The following KPNA1 variants were observed in gnomAD, a reference collection of about 807,000 sequenced individuals.
The protein encoded by KPNA1 is importin subunit alpha-5.
Under a neutral mutation model 70.5 loss-of-function variants are expected in KPNA1, and 10 were observed. The observed-to-expected ratio is 0.14, with a 90% CI of 0.09 to 0.24. The LOEUF is 0.24. Ranked by LOEUF, KPNA1 falls within the 10% of genes least tolerant of loss-of-function variation. The probability of loss-of-function intolerance (pLI) is 1.00; values close to 1 mark genes in which losing one functional copy is unlikely to be tolerated. For synonymous variants in KPNA1, 192 were observed against 221.9 expected, an observed-to-expected ratio of 0.87 and a Z score of 1.20; for missense variants, 397 against 637.9, an observed-to-expected ratio of 0.62 and a Z score of 4.07.
intron 1 of KPNA1, among the ~76,000 whole-genome samples, chr3:122,513,411 T>C (rs973013926): frequency 2.6e-5 from 4 of 152,254 alleles, no homozygotes; most frequent in Non-Finnish European, 5.9e-5. Flanking sequence ...TCATTCTTAC[T>C]TTCCTTTGAA....
chr3:122,472,359 T>G (rs973314380), intron 2 of KPNA1, among the ~76,000 whole-genome samples: 16 of 151,940 alleles, frequency 1.1e-4, no homozygotes, highest in African/African-American at 3.9e-4. Flanking sequence ...AAAAGAGATC[T>G]CAAGAGAAAT....
intron 5 of KPNA1, 82 bp from the exon 6 acceptor site, chr3:122,454,083 GA>G: frequency 4.3e-6 from 4 of 936,662 alleles, no homozygotes; most frequent in South Asian, 2.0e-5. Context: ...TTCTGTACAT[GA>G]AAAAAAGATT....
chr3:122,501,896 A>G (rs2076833361), intron 1 of KPNA1, among the ~76,000 whole-genome samples: 1 of 152,162 alleles, frequency 6.6e-6, no homozygotes, highest in Non-Finnish European at 1.5e-5. Context: ...CATATATCCT[A>G]GGACCATTTC....
chr3:122,496,375 T>C, intron 2 of KPNA1, 62 bp downstream of exon 2: 2 of 1,470,760 alleles, frequency 1.4e-6, no homozygotes, highest in Non-Finnish European at 1.9e-6. Context: ...ATGAAGATAG[T>C]TTCAGGCTTA....
chr3:122,493,704 G>A (rs548983800), intron 2 of KPNA1, among the ~76,000 whole-genome samples: 2 of 152,246 alleles, frequency 1.3e-5, no homozygotes, highest in East Asian at 3.9e-4. Context: ...CAAGAACATA[G>A]TCTTATACTG....
chr3:122,424,138 T>TATAG lies in KPNA1; in HGVS notation c.*2843_*2846dup, dbSNP rs1313519262. 2 of 152,154 alleles carry TATAG rather than the reference T, an allele frequency of 1.3e-5. No homozygotes were observed. The highest frequency in any genetic ancestry group is 4.8e-5 in the African/African-American group (2 of 41,448). 9.4% of individuals were successfully genotyped at this position (152,154 alleles called of 1,614,324 possible). On this transcript the variant is annotated 3_prime_UTR_variant, in exon 14 of 14. Transcript: ENST00000344337. ...CCACCAAAGTTCTCATTACAAATAA[T>TATAG]ATAGATTGGAAGTTTGGAGGATGGA...
intron 2 of KPNA1, among the ~76,000 whole-genome samples, chr3:122,492,010 C>T (rs927605878): frequency 2.7e-4 from 41 of 150,990 alleles, no homozygotes; most frequent in Non-Finnish European, 3.2e-4. Flanking sequence ...TACAGGCGCG[C>T]GCCACCATGC....
At chr3:122,503,502 C>T (rs371384241) in intron 1 of KPNA1, among the ~76,000 whole-genome samples, 30 of 152,290 alleles carry the variant, frequency 2.0e-4, no homozygotes, top group African/African-American at 6.3e-4. Context: ...GCCTAGCCTT[C>T]CACAAGTCCC....
intron 2 of KPNA1, among the ~76,000 whole-genome samples, chr3:122,489,012 T>C (rs2076663181): frequency 6.6e-6 from 1 of 151,044 alleles, no homozygotes; most frequent in Non-Finnish European, 1.5e-5. Flanking sequence ...TGTATTTAGC[T>C]TTCTTGAAGT....
chr3:122,506,289 T>C (rs1405678737), intron 1 of KPNA1, among the ~76,000 whole-genome samples: 1 of 152,178 alleles, frequency 6.6e-6, no homozygotes, highest in African/African-American at 2.4e-5. Context: ...TATTAGAAAG[T>C]ATATGATATG....
intron 4 of KPNA1, among the ~76,000 whole-genome samples, chr3:122,461,951 G>A (rs1576309901): frequency 6.6e-6 from 1 of 152,170 alleles, no homozygotes; most frequent in African/African-American, 2.4e-5. Context: ...GACAATATGC[G>A]TGTGGCAATG....
intron 2 of KPNA1, among the ~76,000 whole-genome samples, chr3:122,477,426 A>G (rs979556945): frequency 6.6e-6 from 1 of 152,220 alleles, no homozygotes; most frequent in South Asian, 2.1e-4. Context: ...TTAGCCAGGC[A>G]TGATGGCTCA....
At chr3:122,512,056 C>A (rs2076960975) in intron 1 of KPNA1, among the ~76,000 whole-genome samples, 1 of 152,128 alleles carries the variant, frequency 6.6e-6, no homozygotes, top group Non-Finnish European at 1.5e-5. Flanking sequence ...AAACAACTGA[C>A]AGCAATTCCA....
At chr3:122,489,058 G>GTGTT (rs1491147341) in intron 2 of KPNA1, among the ~76,000 whole-genome samples, 45 of 81,712 alleles carry the variant, frequency 5.5e-4, no homozygotes, top group Non-Finnish European at 8.7e-4. Context: ...TTTTGCGTGC[G>GTGTT]TGTGTGTGTG....
At chr3:122,449,516 G>A in intron 9 of KPNA1, 58 bp downstream of exon 9, 3 of 1,346,804 alleles carry the variant, frequency 2.2e-6, no homozygotes, top group Non-Finnish European at 3.1e-6. Flanking sequence ...AGTATTAGCA[G>A]CTAGAAAACT....
chr3:122,493,463 C>T (rs986502401), intron 2 of KPNA1, among the ~76,000 whole-genome samples: 2 of 151,998 alleles, frequency 1.3e-5, no homozygotes, highest in Admixed American at 6.6e-5. Context: ...ACCTAAGAGC[C>T]TATGGAGGGA....
intron 2 of KPNA1, among the ~76,000 whole-genome samples, chr3:122,470,121 T>C (rs768356346): frequency 4.1e-4 from 63 of 152,306 alleles, no homozygotes; most frequent in Middle Eastern, 3.4e-3. Context: ...ATCTTAAAAA[T>C]TGATTTAGCA....
intron 2 of KPNA1, among the ~76,000 whole-genome samples, chr3:122,495,025 GC>G (rs1159103686): frequency 6.6e-6 from 1 of 152,006 alleles, no homozygotes; most frequent in African/African-American, 2.4e-5. Context: ...GCTGAGGCAG[GC>G]AGATCACGAG....
intron 2 of KPNA1, among the ~76,000 whole-genome samples, chr3:122,493,013 T>C (rs905300113): frequency 1.3e-5 from 2 of 151,980 alleles, no homozygotes; most frequent in Admixed American, 1.3e-4. Context: ...CAGAAAATAA[T>C]AACCTACCTC....
Sources: allele counts gnomAD v4.1 joint callset (sites outside exome capture counted in the v4.1 genomes callset), GRCh38; gene constraint gnomAD v4.1.1; transcripts MANE v1.5; gene names NCBI Gene and HGNC (gene_info 2026-07-23, HGNC 2026-07-21).